Variants in TXNDC16 observed in about 807,000 individuals in gnomAD.
The protein encoded by TXNDC16 is thioredoxin domain containing 16, also known as thioredoxin domain-containing protein 16.
In TXNDC16, 74 loss-of-function variants were observed where a neutral mutation model predicts 85.6. The observed-to-expected ratio is 0.86, with a 90% confidence interval of 0.72 to 1.05. The LOEUF (loss-of-function observed/expected upper bound fraction) is 1.05, where lower values mean the gene tolerates loss of function less well. Among genes scored for constraint, TXNDC16 ranks in the 50% least tolerant of loss-of-function variants. The pLI, the probability that TXNDC16 is intolerant of heterozygous loss-of-function variation, is 0.00. For missense variants in TXNDC16, 959 were observed against 947.0 expected (o/e 1.01, Z -0.17); for synonymous variants, 335 against 326.5 (o/e 1.03, Z -0.28).
In TXNDC16 at chr14:52,505,396, C is replaced by T. The variant is rs1000309508; in HGVS notation, c.756+5844G>A. On this transcript the variant is annotated intron_variant, in intron 9 of 20. Transcript: ENST00000281741. ...AGACCACAGTGCAATCAAACTAGAA[C>T]TCAGGATTCAGAAACTCATTCAAAA... Among the ~76,000 whole-genome samples the T allele has an allele frequency of 2.0e-5, 3 of 152,176 alleles. No individual in the cohort carries two copies. In the South Asian group the frequency reaches 6.2e-4, roughly 31 times the overall value.
Position 52,432,588 on chromosome 14 carries a change from C to A in TXNDC16, c.2195-1G>T. 1 of 1,596,662 alleles carries A rather than the reference C, an allele frequency of 6.3e-7. No individual in the cohort carries two copies. The highest frequency in any genetic ancestry group is 1.3e-5 in the African/African-American group (1 of 74,124). On this transcript the variant is annotated splice_acceptor_variant, in intron 20 of 20. Transcript: ENST00000281741. LOFTEE classifies it high-confidence loss of function. ...TTCCATTCTTGAGCAGGTAAAATTG[C>A]TGGAAGGAAGAAACAATCAAAGGTT...
chr14:52,526,314 A>G (rs908790822), intron 6 of TXNDC16, among the ~76,000 whole-genome samples: 2 of 152,198 alleles, frequency 1.3e-5, no homozygotes. Flanking sequence ...GGTACCAAAA[A>G]AGTTAGAGTC....
intron 9 of TXNDC16, among the ~76,000 whole-genome samples, chr14:52,501,884 A>G (rs1275706011): frequency 6.6e-6 from 1 of 152,238 alleles, no homozygotes; most frequent in Non-Finnish European, 1.5e-5. Context: ...TAAAACATAA[A>G]AGTGACCAAA....
Position 52,471,472 on chromosome 14 carries a change from G to A in TXNDC16, c.1313-792C>T, listed in dbSNP as rs185776303. Among the ~76,000 whole-genome samples, 64 of 152,194 alleles carry A rather than the reference G, an allele frequency of 4.2e-4. 1 individual carries two copies. The highest frequency in any genetic ancestry group is 3.4e-3 in the Middle Eastern group (1 of 294). ...TTTGCAGAATTAAATCTTTCTTACC[G>A]TGTACAACTTCAAGGACTAGCCTTC... On this transcript the variant is annotated intron_variant, in intron 14 of 20. Transcript: ENST00000281741.
At chr14:52,508,274 T>G (rs1447173825) in intron 9 of TXNDC16, among the ~76,000 whole-genome samples, 1 of 152,176 alleles carries the variant, frequency 6.6e-6, no homozygotes, top group Non-Finnish European at 1.5e-5. Context: ...TAGACACTTC[T>G]CAAAAGAAGA....
At chr14:52,527,774 A>G (rs2037371944) in intron 6 of TXNDC16, among the ~76,000 whole-genome samples, 1 of 152,116 alleles carries the variant, frequency 6.6e-6, no homozygotes, top group Non-Finnish European at 1.5e-5. Flanking sequence ...TGTATAACAT[A>G]TATATATTAC....
intron 20 of TXNDC16, among the ~76,000 whole-genome samples, chr14:52,438,669 G>A (rs1348848353): frequency 6.6e-6 from 1 of 151,926 alleles, no homozygotes; most frequent in African/African-American, 2.4e-5. Flanking sequence ...GTCTCATACT[G>A]AACCCTCAAT....
intron 1 of TXNDC16, among the ~76,000 whole-genome samples, chr14:52,546,420 G>C (rs2037943510): frequency 6.6e-6 from 1 of 152,186 alleles, no homozygotes; most frequent in African/African-American, 2.4e-5. Context: ...AGTTCTCCTT[G>C]CAGTTACTAA....
intron 4 of TXNDC16, 55 bp from the exon 5 acceptor site, chr14:52,537,727 G>A: frequency 1.9e-6 from 2 of 1,037,484 alleles, no homozygotes; most frequent in South Asian, 2.7e-5. Flanking sequence ...CAAGTTTCTT[G>A]GTTGGGGAAA....
intron 4 of TXNDC16, among the ~76,000 whole-genome samples, chr14:52,540,076 C>A (rs1458589985): frequency 3.3e-5 from 5 of 152,034 alleles, no homozygotes; most frequent in African/African-American, 1.2e-4. Flanking sequence ...TAGGTGGTAA[C>A]CAGGTAGAAA....
intron 6 of TXNDC16, among the ~76,000 whole-genome samples, chr14:52,534,757 T>A (rs2037661344): frequency 6.6e-6 from 1 of 152,236 alleles, no homozygotes; most frequent in South Asian, 2.1e-4. Context: ...TGTTTATCTG[T>A]CTGTGCAACA....
At chr14:52,488,683 A>C (rs1284881964) in intron 11 of TXNDC16, among the ~76,000 whole-genome samples, 197 bp from the exon 12 acceptor site, 3 of 151,882 alleles carry the variant, frequency 2.0e-5, no homozygotes, top group African/African-American at 7.3e-5. Flanking sequence ...AAAATACAAA[A>C]ATTAGACTGG....
chr14:52,434,622 T>TC (rs2034985015), intron 20 of TXNDC16, among the ~76,000 whole-genome samples: 1 of 152,148 alleles, frequency 6.6e-6, no homozygotes, highest in Non-Finnish European at 1.5e-5. Flanking sequence ...ATGCAATAAG[T>TC]AAGGTGAGGC....
rs1285944871 is a variant in TXNDC16 at position 52,543,561 on chromosome 14, C to T, written c.-4G>A. On this transcript the variant is annotated 5_prime_UTR_variant, in exon 3 of 21. Coordinates refer to ENST00000281741, the MANE Select transcript of TXNDC16 (RefSeq NM_020784.3). ...AGACATTGAAGCCGGAAAACATTAT[C>T]AGCTGCAGTTGTATCTGAGCGGATT... 1 of 1,612,834 alleles carries T rather than the reference C, an allele frequency of 6.2e-7. No homozygotes were observed. The highest frequency in any genetic ancestry group is 2.2e-5 in the East Asian group (1 of 44,816).
chr14:52,497,945 A>G (rs28842841), intron 9 of TXNDC16, among the ~76,000 whole-genome samples: 6,956 of 151,832 alleles, frequency 0.046, 517 homozygotes, highest in African/African-American at 0.16. Context: ...ACCACTCATC[A>G]TGAGCAAGAG....
At chr14:52,517,473 T>G (rs2037110941) in intron 7 of TXNDC16, among the ~76,000 whole-genome samples, 1 of 152,162 alleles carries the variant, frequency 6.6e-6, no homozygotes, top group African/African-American at 2.4e-5. Context: ...GCTGATGATT[T>G]TGTGTCTATT....
At chr14:52,480,413 A>C (rs2036118200) in intron 14 of TXNDC16, among the ~76,000 whole-genome samples, 1 of 152,170 alleles carries the variant, frequency 6.6e-6, no homozygotes, top group Non-Finnish European at 1.5e-5. Context: ...AATCTTCACA[A>C]TCTATACGTC....
intron 18 of TXNDC16, among the ~76,000 whole-genome samples, chr14:52,454,818 T>C (rs920579237): frequency 6.6e-6 from 1 of 151,844 alleles, no homozygotes; most frequent in Non-Finnish European, 1.5e-5. Flanking sequence ...AAAAAACCCA[T>C]ATAAGTAATA....
intron 8 of TXNDC16, among the ~76,000 whole-genome samples, chr14:52,514,324 T>C (rs867810230): frequency 2.6e-5 from 4 of 152,164 alleles, no homozygotes; most frequent in African/African-American, 7.2e-5. Flanking sequence ...TGCCCTGTTT[T>C]GGATTAATTT....
Sources: allele counts gnomAD v4.1 joint callset (sites outside exome capture counted in the v4.1 genomes callset), GRCh38; gene constraint gnomAD v4.1.1; transcripts MANE v1.5; gene names NCBI Gene and HGNC (gene_info 2026-07-23, HGNC 2026-07-21).